Variants in DEFB123 observed in about 807,000 individuals in gnomAD.
DEFB123 encodes the protein defensin beta 123.
For missense variants in DEFB123, 71 were observed against 75.0 expected (o/e 0.95, Z 0.20); for synonymous variants, 22 against 28.3 (o/e 0.78, Z 0.71).
In DEFB123 at chr20:31,448,889, T is replaced by G. The variant is rs1300040035; in HGVS notation, c.59-1140T>G. Among the ~76,000 whole-genome samples the G allele has an allele frequency of 5.3e-5, 8 of 149,652 alleles. No homozygotes were observed. The East Asian group carries it at 1.6e-3, about 29-fold the overall frequency. The stretch of plus-strand genomic sequence containing the variant: ...ACCACGCCCAGCTAATTTTTTTTTT[T>G]TTTTTTTTTTGTATTTTTAGTAGAG... On this transcript the variant is annotated intron_variant, in intron 1 of 1. Transcript: ENST00000376309.
At chr20:31,444,623 C>T (rs560611537) in intron 1 of DEFB123, among the ~76,000 whole-genome samples, 20 of 152,184 alleles carry the variant, frequency 1.3e-4, no homozygotes, top group Non-Finnish European at 2.5e-4. Context: ...CCAATAGTTC[C>T]TCTTGACACT....
chr20:31,448,088 AT>A (rs911918371), intron 1 of DEFB123, among the ~76,000 whole-genome samples: 2 of 151,314 alleles, frequency 1.3e-5, no homozygotes, highest in Non-Finnish European at 2.9e-5. Flanking sequence ...GTCTGGCCTA[AT>A]TTTTTTATTT....
At chr20:31,443,770 T>A (rs1410411099) in intron 1 of DEFB123, among the ~76,000 whole-genome samples, 1 of 152,174 alleles carries the variant, frequency 6.6e-6, no homozygotes, top group Non-Finnish European at 1.5e-5. Flanking sequence ...GGGAGCTGGA[T>A]TTAAACTTCC....
intron 1 of DEFB123, among the ~76,000 whole-genome samples, chr20:31,445,765 T>C (rs1979572215): frequency 6.6e-6 from 1 of 152,172 alleles, no homozygotes; most frequent in South Asian, 2.1e-4. Flanking sequence ...GGTCTTAAAC[T>C]CCTGACCTCA....
At chr20:31,448,878 A>ATTTTTTTTTTTTTTTTTTT (rs34804733) in intron 1 of DEFB123, among the ~76,000 whole-genome samples, 1 of 119,980 alleles carries the variant, frequency 8.3e-6, no homozygotes, top group Non-Finnish European at 1.7e-5. Context: ...CGCCCAGCTA[A>ATTTTTTTTTTTTTTTTTTT]TTTTTTTTTT....
chr20:31,445,241 A>G (rs939919496), intron 1 of DEFB123, among the ~76,000 whole-genome samples: 2 of 152,234 alleles, frequency 1.3e-5, no homozygotes, highest in South Asian at 2.1e-4. Context: ...ATGTTCTTTC[A>G]TTAGGAGGCA....
chr20:31,447,935 T>C (rs942046403), intron 1 of DEFB123, among the ~76,000 whole-genome samples: 2 of 151,918 alleles, frequency 1.3e-5, no homozygotes, highest in African/African-American at 4.8e-5. Flanking sequence ...TACAGGCGCC[T>C]GCCACCATGC....
At chr20:31,447,587 C>T (rs897647111) in intron 1 of DEFB123, among the ~76,000 whole-genome samples, 1 of 151,128 alleles carries the variant, frequency 6.6e-6, no homozygotes. Flanking sequence ...TTCTAGTGTG[C>T]AGTTTCTGAC....
At chr20:31,447,466 C>T (rs547669572) in intron 1 of DEFB123, among the ~76,000 whole-genome samples, 22 of 147,204 alleles carry the variant, frequency 1.5e-4, no homozygotes, top group African/African-American at 4.7e-4. Flanking sequence ...CAATGTTCTC[C>T]GTTTTCAAAT....
chr20:31,449,857 T>G (rs530411816), intron 1 of DEFB123, among the ~76,000 whole-genome samples, 172 bp from the exon 2 acceptor site: 146 of 145,182 alleles, frequency 1.0e-3, no homozygotes, highest in African/African-American at 3.5e-3. Flanking sequence ...CAGTCAAAGG[T>G]GGGAAGCAAA....
intron 1 of DEFB123, among the ~76,000 whole-genome samples, chr20:31,442,694 C>T (rs1252837816): frequency 1.3e-5 from 2 of 151,146 alleles, no homozygotes; most frequent in Non-Finnish European, 2.9e-5. Context: ...CTGCAACCTC[C>T]ACCTCCCGGA....
chr20:31,442,494 T>A (rs1280405075), intron 1 of DEFB123, among the ~76,000 whole-genome samples: 2 of 151,814 alleles, frequency 1.3e-5, no homozygotes, highest in African/African-American at 4.8e-5. Flanking sequence ...CCAAAGAATT[T>A]GAAAAATAAA....
At chr20:31,443,919 G>A (rs1299699597) in intron 1 of DEFB123, among the ~76,000 whole-genome samples, 1 of 152,154 alleles carries the variant, frequency 6.6e-6, no homozygotes, top group Non-Finnish European at 1.5e-5. Context: ...AAGTGGTATT[G>A]TCTGAACCCC....
chr20:31,449,216 T>C (rs1979674545), intron 1 of DEFB123, among the ~76,000 whole-genome samples: 1 of 152,150 alleles, frequency 6.6e-6, no homozygotes, highest in South Asian at 2.1e-4. Flanking sequence ...TGCTTTTTTT[T>C]TTTGTATGCC....
intron 1 of DEFB123, among the ~76,000 whole-genome samples, chr20:31,445,940 C>A (rs1979576157): frequency 6.6e-6 from 1 of 152,190 alleles, no homozygotes; most frequent in African/African-American, 2.4e-5. Context: ...CTGAAATTGT[C>A]CCATCCGTGG....
chr20:31,444,824 C>T (rs1488137010), intron 1 of DEFB123, among the ~76,000 whole-genome samples: 9 of 152,150 alleles, frequency 5.9e-5, no homozygotes, highest in African/African-American at 2.2e-4. Context: ...ACTCCGAAAA[C>T]GTCTCCACCT....
At chr20:31,446,001 T>C (rs1438732753) in intron 1 of DEFB123, among the ~76,000 whole-genome samples, 1 of 152,218 alleles carries the variant, frequency 6.6e-6, no homozygotes, top group Non-Finnish European at 1.5e-5. Context: ...TACATATCCC[T>C]GGTAACCTTT....
chr20:31,443,998 T>G (rs1979526387), intron 1 of DEFB123, among the ~76,000 whole-genome samples: 2 of 152,174 alleles, frequency 1.3e-5, no homozygotes, highest in African/African-American at 4.8e-5. Context: ...CCTTAACAAA[T>G]GTTGGTCCTT....
intron 1 of DEFB123, among the ~76,000 whole-genome samples, chr20:31,445,539 A>AT (rs11480359): frequency 0.84 from 128,070 of 151,932 alleles, 54,076 homozygotes; most frequent in African/African-American, 0.89. Context: ...TGATCAAATA[A>AT]TTTTTTTGTT....
Sources: allele counts gnomAD v4.1 joint callset (sites outside exome capture counted in the v4.1 genomes callset), GRCh38; gene constraint gnomAD v4.1.1; transcripts MANE v1.5; gene names NCBI Gene and HGNC (gene_info 2026-07-23, HGNC 2026-07-21).